The following YEATS2 variants were observed in gnomAD, a reference collection of about 807,000 sequenced individuals.
The protein encoded by YEATS2 is YEATS domain containing 2.
YEATS2 carries 77 observed loss-of-function variants against 163.2 expected under a neutral mutation model. The observed-to-expected ratio is 0.47, with a 90% CI of 0.39 to 0.57. The LOEUF is 0.57. YEATS2 is among the 20% of genes least tolerant of loss of function. The pLI is 0.00. For missense variants in YEATS2, 1,549 were observed against 1,729.8 expected, an observed-to-expected ratio of 0.90 and a Z score of 1.85; for synonymous variants, 631 against 645.1, an observed-to-expected ratio of 0.98 and a Z score of 0.33.
chr3:183,711,330 G>A (rs926078734), intron 1 of YEATS2, among the ~76,000 whole-genome samples: 6 of 151,900 alleles, frequency 3.9e-5, no homozygotes, highest in Middle Eastern at 3.2e-3. Context: ...AAAATCAGCC[G>A]GGCGTGGTGG....
chr3:183,796,350 C>G (rs1725156601), intron 21 of YEATS2, among the ~76,000 whole-genome samples: 1 of 151,640 alleles, frequency 6.6e-6, no homozygotes, highest in South Asian at 2.1e-4. Context: ...GCCTTGTATG[C>G]TCCTTCACAC....
At chr3:183,731,953 A>G (rs948789899) in intron 7 of YEATS2, among the ~76,000 whole-genome samples, 5 of 152,216 alleles carry the variant, frequency 3.3e-5, no homozygotes, top group African/African-American at 1.2e-4. Flanking sequence ...AGGATTTGTA[A>G]ATAGTATTTT....
At chr3:183,770,968 T>A (rs754302504) in intron 15 of YEATS2, among the ~76,000 whole-genome samples, 3 of 152,224 alleles carry the variant, frequency 2.0e-5, no homozygotes, top group Non-Finnish European at 2.9e-5. Context: ...CAGTTTTTGG[T>A]AAAAATAATG....
intron 21 of YEATS2, among the ~76,000 whole-genome samples, chr3:183,792,537 T>G (rs1724758256): frequency 6.6e-6 from 1 of 152,172 alleles, no homozygotes; most frequent in Non-Finnish European, 1.5e-5. Context: ...ATTATTTTTT[T>G]GATGGAGTCT....
chr3:183,777,411 A>G, intron 18 of YEATS2, 131 bp from the exon 19 acceptor site: 1 of 920,364 alleles, frequency 1.1e-6, no homozygotes, highest in Non-Finnish European at 1.6e-6. Context: ...TATTTTGCCT[A>G]CATTGCAGAA....
chr3:183,795,433 G>A (rs951546566), intron 21 of YEATS2, among the ~76,000 whole-genome samples: 1 of 149,172 alleles, frequency 6.7e-6, no homozygotes, highest in Non-Finnish European at 1.5e-5. Context: ...GTACTACAGG[G>A]GCATGCCACC....
intron 9 of YEATS2, among the ~76,000 whole-genome samples, chr3:183,751,229 G>T (rs1577110770): frequency 6.6e-6 from 1 of 152,142 alleles, no homozygotes; most frequent in South Asian, 2.1e-4. Context: ...ATGGTCTTGG[G>T]ACCCTTGTCA....
chr3:183,740,260 A>G (rs1718805242), intron 8 of YEATS2, among the ~76,000 whole-genome samples: 1 of 152,108 alleles, frequency 6.6e-6, no homozygotes, highest in African/African-American at 2.4e-5. Context: ...TTTACAAGAA[A>G]AAAACAAACA....
Position 183,803,136 on chromosome 3 carries a change from A to G in YEATS2, c.3503-120A>G. 2.9e-6 allele frequency: 3 copies of G among 1,022,118 alleles called. No homozygotes were observed. The South Asian group carries it at 4.4e-5, about 15-fold the overall frequency. The allele number at this position is 1,022,118 out of a possible 1,614,324, so 63.3% of individuals were successfully genotyped here. On this transcript the variant is annotated intron_variant, in intron 25 of 30. Coordinates refer to ENST00000305135, the MANE Select transcript of YEATS2 (RefSeq NM_018023.5). ...TGTTAGGCTGCATCTGAGCTTGCCC[A>G]GTAAGGAACATACATGCGATAAAGA...
chr3:183,756,761 T>G, intron 12 of YEATS2, 72 bp downstream of exon 12: 1 of 1,260,634 alleles, frequency 7.9e-7, no homozygotes, highest in Non-Finnish European at 1.0e-6. Context: ...CTGCCATGAC[T>G]TGGTAGCCAT....
At chr3:183,760,800 A>C (rs1721270706) in intron 13 of YEATS2, among the ~76,000 whole-genome samples, 1 of 152,192 alleles carries the variant, frequency 6.6e-6, no homozygotes, top group South Asian at 2.1e-4. Context: ...GAGAGTATAT[A>C]CTGAAACATT....
intron 2 of YEATS2, among the ~76,000 whole-genome samples, chr3:183,716,205 C>T (rs959572452): frequency 1.3e-5 from 2 of 152,122 alleles, no homozygotes; most frequent in African/African-American, 2.4e-5. Context: ...GTGATCCACC[C>T]GCCTCGGCGT....
At chr3:183,805,054 G>A (rs968397494) in intron 27 of YEATS2, among the ~76,000 whole-genome samples, 12 of 151,346 alleles carry the variant, frequency 7.9e-5, no homozygotes, top group Non-Finnish European at 1.6e-4. Flanking sequence ...GTAGGAGCAA[G>A]GGATTAAAGG....
chr3:183,752,257 A>G lies in YEATS2; in HGVS notation c.1150+4A>G. 1 of 1,614,154 alleles carries G rather than the reference A, an allele frequency of 6.2e-7. No individual in the cohort carries two copies. Among genetic ancestry groups the G allele is most frequent in the African/African-American group, 1.3e-5 (1 of 75,044 alleles). On this transcript the variant is annotated splice_donor_region_variant and intron_variant, in intron 10 of 30. Transcript: ENST00000305135. ...CCCGATACCTCTGTGGAGAAAGGTA[A>G]TACAGCAGTTTTCCTTGCATAGCGT...
intron 8 of YEATS2, among the ~76,000 whole-genome samples, chr3:183,745,009 C>G (rs999366552): frequency 2.0e-5 from 3 of 152,148 alleles, no homozygotes; most frequent in Non-Finnish European, 2.9e-5. Flanking sequence ...CGCCACCATG[C>G]CCAGCTAATT....
chr3:183,770,957 A>G (rs1012091899), intron 15 of YEATS2, among the ~76,000 whole-genome samples: 9 of 152,224 alleles, frequency 5.9e-5, no homozygotes, highest in African/African-American at 2.2e-4. Flanking sequence ...AAGGTTGCTA[A>G]CAGTTTTTGG....
intron 1 of YEATS2, among the ~76,000 whole-genome samples, chr3:183,709,235 T>G (rs1433768088): frequency 1.3e-5 from 2 of 152,216 alleles, no homozygotes; most frequent in African/African-American, 4.8e-5. Context: ...GTTATTTGAA[T>G]GGATATGGTA....
At chr3:183,771,530 A>T (rs1722457296) in intron 15 of YEATS2, among the ~76,000 whole-genome samples, 3 of 126,102 alleles carry the variant, frequency 2.4e-5, no homozygotes, top group Non-Finnish European at 5.2e-5. Context: ...TAATAGTTAA[A>T]TATTATTCTT....
In YEATS2 at chr3:183,790,126, C is replaced by CG. The variant is rs567271176; in HGVS notation, c.2914-671_2914-670insG. ...ACATACTCTCCTCTGCCAGGAAACA[C>CG]TGTCATCTCTCCCTTTCTCTGTCTT... On this transcript the variant is annotated intron_variant, in intron 20 of 30. Coordinates refer to ENST00000305135, the MANE Select transcript of YEATS2 (RefSeq NM_018023.5). Among the ~76,000 whole-genome samples, 58 of 152,344 alleles carry CG rather than the reference C, an allele frequency of 3.8e-4. 1 individual carries two copies. The East Asian group carries it at 0.011, about 29-fold the overall frequency.
Sources: allele counts gnomAD v4.1 joint callset (sites outside exome capture counted in the v4.1 genomes callset), GRCh38; gene constraint gnomAD v4.1.1; transcripts MANE v1.5; gene names NCBI Gene and HGNC (gene_info 2026-07-23, HGNC 2026-07-21).